Variants in KPNA6 observed in about 807,000 individuals in gnomAD.
KPNA6 encodes karyopherin subunit alpha 6, also known as importin subunit alpha-7.
In KPNA6, 9 loss-of-function variants were observed where a neutral mutation model predicts 72.0. The ratio of observed to expected loss-of-function variants is 0.13; its 90% confidence interval spans 0.08 to 0.22. KPNA6 has a LOEUF of 0.22. KPNA6 is among the 10% of genes least tolerant of loss of function. The pLI is 1.00. For synonymous variants in KPNA6, 219 were observed against 242.1 expected (o/e 0.90, Z 0.89); for missense variants, 374 against 655.7 (o/e 0.57, Z 4.69).
chr1:32,147,316 C>T (rs970443284), intron 1 of KPNA6, among the ~76,000 whole-genome samples: 7 of 152,078 alleles, frequency 4.6e-5, no homozygotes, highest in Non-Finnish European at 8.8e-5. Flanking sequence ...GTTTTTGAGA[C>T]AGGGTTTCAC....
intron 3 of KPNA6, 152 bp from the exon 4 acceptor site, chr1:32,157,194 C>A: frequency 1.6e-6 from 1 of 627,314 alleles, no homozygotes; most frequent in Non-Finnish European, 2.8e-6. Flanking sequence ...CAACTTGAAG[C>A]ACCTATAGAT....
At position 32,162,317 on chromosome 1, in the gene KPNA6, T is replaced by C. The variant is rs7538308; in HGVS notation, c.748-44T>C. The C allele has an allele frequency of 5.1e-3, 7,787 of 1,529,344 alleles. 338 individuals are homozygous for C. In the African/African-American group the frequency reaches 0.094, roughly 18 times the overall value. The allele number at this position is 1,529,344 out of a possible 1,614,324, so 94.7% of individuals were successfully genotyped here. A position where few individuals can be genotyped will look rare whatever the true frequency, so the allele number is the denominator to read the frequency against. ...GTTAGGGTTCGTGATAGAGCTGATA[T>C]AGTCTTGTTCCCCTGTGAGTCTTTC... On this transcript the variant is annotated intron_variant, in intron 8 of 13. Coordinates refer to ENST00000373625, the MANE Select transcript of KPNA6 (RefSeq NM_012316.5).
intron 1 of KPNA6, among the ~76,000 whole-genome samples, chr1:32,110,253 CAGGGT>C (rs1160763331): frequency 4.0e-5 from 6 of 151,672 alleles, no homozygotes; most frequent in Admixed American, 6.6e-5. Context: ...TTAGTAGAGA[CAGGGT>C]TTCACCATGT....
rs79524781 is a variant in KPNA6 at position 32,110,828 on chromosome 1, C to T, written c.4+2694C>T. On this transcript the variant is annotated intron_variant, in intron 1 of 13. Transcript: ENST00000373625. ...GGGAGAATTGCTTGAACCCGGGAGG[C>T]GGAGGTTGCAGTGAGCCGAGATCAT... 5.5e-4 allele frequency among the ~76,000 whole-genome samples: 83 copies of T among 152,160 alleles called. 1 individual carries two copies. In the East Asian group the frequency reaches 0.012, roughly 22 times the overall value.
At chr1:32,135,266 C>T (rs189551503) in intron 1 of KPNA6, among the ~76,000 whole-genome samples, 12 of 152,230 alleles carry the variant, frequency 7.9e-5, no homozygotes, top group South Asian at 2.1e-4. Context: ...GGGGTTTCTC[C>T]GTGTTGGTCA....
chr1:32,135,443 C>T (rs2123996837), intron 1 of KPNA6, among the ~76,000 whole-genome samples: 1 of 152,162 alleles, frequency 6.6e-6, no homozygotes, highest in South Asian at 2.1e-4. Flanking sequence ...AGTGATCTGC[C>T]TACTTCGGCC....
intron 1 of KPNA6, among the ~76,000 whole-genome samples, chr1:32,123,902 T>C (rs1357965993): frequency 6.6e-6 from 1 of 150,562 alleles, no homozygotes; most frequent in Non-Finnish European, 1.5e-5. Context: ...GGCGTGGTGG[T>C]GTGCACCAGT....
At chr1:32,132,207 G>A (rs1183504257) in intron 1 of KPNA6, among the ~76,000 whole-genome samples, 1 of 152,092 alleles carries the variant, frequency 6.6e-6, no homozygotes, top group East Asian at 1.9e-4. Flanking sequence ...CTGACCTCAG[G>A]TGATCTGCCC....
chr1:32,109,066 C>A (rs758265989), intron 1 of KPNA6, among the ~76,000 whole-genome samples: 1 of 152,162 alleles, frequency 6.6e-6, no homozygotes, highest in East Asian at 1.9e-4. Context: ...CTACCATTGC[C>A]ATTTTACAGA....
chr1:32,167,704 C>T (rs927244662), intron 12 of KPNA6, among the ~76,000 whole-genome samples: 4 of 151,846 alleles, frequency 2.6e-5, no homozygotes, highest in East Asian at 3.9e-4. Context: ...TCTGTCTCTA[C>T]GAAAGACAAA....
chr1:32,119,019 TATATATATATA>T (rs1308404268), intron 1 of KPNA6, among the ~76,000 whole-genome samples: 42 of 77,800 alleles, frequency 5.4e-4, no homozygotes, highest in African/African-American at 2.5e-3. Flanking sequence ...TATATATATA[TATATATATATA>T]TATTTTTTTT....
rs747848245 is a variant in KPNA6, at chr1:32,161,948, C to A, written c.649C>A (p.Leu217Ile). Residue 217 changes from leucine (L) to isoleucine (I), a missense_variant and splice_region_variant, in exon 8 of 14, where the codon CTC (leucine) becomes ATC (isoleucine). Physicochemically the swap from Leu to Ile is conservative, Grantham distance 5. Coordinates refer to ENST00000373625, the MANE Select transcript of KPNA6 (RefSeq NM_012316.5). ...NCSILNPLLT[L>I]LTKSTRLTMT... The stretch of plus-strand genomic sequence containing the variant: ...ATCTGGCTTTGCTGTTTCCTTCAGA[C>A]TCCTTACCAAGTCCACACGACTGAC... 1 of 1,613,460 alleles carries A rather than the reference C, an allele frequency of 6.2e-7. No individual in the cohort carries two copies. The highest frequency in any genetic ancestry group is 2.2e-5 in the East Asian group (1 of 44,882).
chr1:32,108,080 T>A lies in KPNA6; in HGVS notation c.-51T>A. ...CATATTGTCTACTGAAAGCTGCCGC[T>A]GAAGCTGCCGCCGTTGCCTCCGCCG... On this transcript the variant is annotated 5_prime_UTR_variant, in exon 1 of 14. Transcript: ENST00000373625. 2 of 1,613,740 alleles carry A rather than the reference T, an allele frequency of 1.2e-6. No individual in the cohort carries two copies. Among genetic ancestry groups the A allele is most frequent in the Non-Finnish European group, 1.7e-6 (2 of 1,179,772 alleles).
At chr1:32,138,390 A>G (rs1038913149) in intron 1 of KPNA6, among the ~76,000 whole-genome samples, 1 of 151,684 alleles carries the variant, frequency 6.6e-6, no homozygotes, top group African/African-American at 2.4e-5. Flanking sequence ...CTAAAAATAC[A>G]AAATTAGCCG....
At chr1:32,119,032 A>ATATATAT (rs1167325052) in intron 1 of KPNA6, among the ~76,000 whole-genome samples, 4 of 40,272 alleles carry the variant, frequency 9.9e-5, no homozygotes, top group African/African-American at 1.0e-4. Flanking sequence ...ATATATATAT[A>ATATATAT]TTTTTTTTTT....
At chr1:32,117,014 C>A (rs1454145522) in intron 1 of KPNA6, among the ~76,000 whole-genome samples, 1 of 152,108 alleles carries the variant, frequency 6.6e-6, no homozygotes, top group Non-Finnish European at 1.5e-5. Context: ...CATCAAATAT[C>A]ACTGATCACA....
intron 1 of KPNA6, among the ~76,000 whole-genome samples, chr1:32,152,232 G>A (rs1642044582): frequency 6.6e-6 from 1 of 152,024 alleles, no homozygotes; most frequent in Non-Finnish European, 1.5e-5. Flanking sequence ...CTCAGGCTAA[G>A]GCAAGAGAAT....
At chr1:32,169,800 G>A in intron 12 of KPNA6, 82 bp from the exon 13 acceptor site, 1 of 1,222,836 alleles carries the variant, frequency 8.2e-7, no homozygotes, top group South Asian at 1.5e-5. Context: ...AGTAAGAGTG[G>A]GTTGCTGAGA....
At chr1:32,119,032 A>ATATATATATATT (rs1167325052) in intron 1 of KPNA6, among the ~76,000 whole-genome samples, 8 of 40,276 alleles carry the variant, frequency 2.0e-4, no homozygotes, top group African/African-American at 3.0e-4. Flanking sequence ...ATATATATAT[A>ATATATATATATT]TTTTTTTTTT....
Sources: allele counts gnomAD v4.1 joint callset (sites outside exome capture counted in the v4.1 genomes callset), GRCh38; gene constraint gnomAD v4.1.1; transcripts MANE v1.5; gene names NCBI Gene and HGNC (gene_info 2026-07-23, HGNC 2026-07-21).